CDH13: variants seen among roughly 807,000 people sequenced by gnomAD.
CDH13 encodes the protein cadherin-13.
In CDH13, 24 loss-of-function variants were observed where a neutral mutation model predicts 63.8. That is an observed-to-expected ratio of 0.38 (90% CI 0.27 to 0.53). The LOEUF (loss-of-function observed/expected upper bound fraction) is 0.53. Among genes scored for constraint, CDH13 ranks in the 20% least tolerant of loss-of-function variants. The probability of loss-of-function intolerance (pLI) is 0.85; values close to 1 mark genes in which losing one functional copy is unlikely to be tolerated. For synonymous variants in CDH13, 503 were observed against 355.3 expected, an observed-to-expected ratio of 1.42 and a Z score of -4.67; for missense variants, 1,049 against 903.1, an observed-to-expected ratio of 1.16 and a Z score of -2.07.
At chr16:82,707,214 C>A (rs985097567) in intron 1 of CDH13, among the ~76,000 whole-genome samples, 1 of 152,220 alleles carries the variant, frequency 6.6e-6, no homozygotes, top group Non-Finnish European at 1.5e-5. Flanking sequence ...TGATTCTTTT[C>A]TCCATTAACT....
chr16:83,224,257 T>C (rs1250419680), intron 5 of CDH13, among the ~76,000 whole-genome samples: 1 of 152,256 alleles, frequency 6.6e-6, no homozygotes, highest in Non-Finnish European at 1.5e-5. Context: ...CATTGATTGA[T>C]GGGCATTTGG....
At chr16:83,708,038 G>T (rs530212952) in intron 10 of CDH13, among the ~76,000 whole-genome samples, 7 of 152,162 alleles carry the variant, frequency 4.6e-5, no homozygotes, top group Admixed American at 6.5e-5. Context: ...GCACCAGAAG[G>T]CATGAGCTCC....
In CDH13 at chr16:82,645,000, C is replaced by A. The variant is rs1909917910; in HGVS notation, c.45+17863C>A. Among the ~76,000 whole-genome samples the A allele has an allele frequency of 6.6e-6, 1 of 152,034 alleles. No homozygotes were observed. The highest frequency in any genetic ancestry group is 1.5e-5 in the Non-Finnish European group (1 of 68,002). On this transcript the variant is annotated intron_variant, in intron 1 of 13. Coordinates refer to ENST00000567109, the MANE Select transcript of CDH13 (RefSeq NM_001257.5). The surrounding 1 kb of genome is among the most constrained non-coding windows in gnomAD (Gnocchi z 5.7). ...TGGACCAGATTGGGTTTTGTTTTTTCACAAATGAAAGTCTCTGAGATTGTA... is the reference window on the plus strand; with the variant it reads ...TGGACCAGATTGGGTTTTGTTTTTTAACAAATGAAAGTCTCTGAGATTGTA...
At chr16:83,157,608 T>C (rs1318698690) in intron 4 of CDH13, among the ~76,000 whole-genome samples, 1 of 151,962 alleles carries the variant, frequency 6.6e-6, no homozygotes, top group Non-Finnish European at 1.5e-5. Flanking sequence ...TAAAGAAATA[T>C]GTCCGGCCGG....
chr16:83,109,057 C>G (rs1597352497), intron 3 of CDH13, among the ~76,000 whole-genome samples: 1 of 152,162 alleles, frequency 6.6e-6, no homozygotes. Flanking sequence ...AGGGTCTGCT[C>G]CTGGGGAGCA....
intron 2 of CDH13, among the ~76,000 whole-genome samples, chr16:82,902,084 T>A: frequency 6.6e-6 from 1 of 152,338 alleles, no homozygotes; most frequent in East Asian, 1.9e-4. Context: ...GCTGTTTGCC[T>A]ATATCAAACT....
chr16:83,187,716 A>G (rs2038569952), intron 4 of CDH13, among the ~76,000 whole-genome samples: 1 of 152,170 alleles, frequency 6.6e-6, no homozygotes, highest in Non-Finnish European at 1.5e-5. Context: ...ACAGCAGTGA[A>G]CAGAACAGAC....
In CDH13 at chr16:83,249,907, T is replaced by C. The variant is rs566324386; in HGVS notation, c.636+32410T>C. On this transcript the variant is annotated intron_variant, in intron 5 of 13. Coordinates refer to ENST00000567109, the MANE Select transcript of CDH13 (RefSeq NM_001257.5). Reference sequence around the variant, plus strand: ...TCTCATGATGGTCCTCATGTGTTAATTGAATAATATTTGAACTTTAAATTC... The same window carrying C: ...TCTCATGATGGTCCTCATGTGTTAACTGAATAATATTTGAACTTTAAATTC... Among the ~76,000 whole-genome samples the C allele has an allele frequency of 2.4e-4, 37 of 152,332 alleles. 1 individual carries two copies. Among genetic ancestry groups the C allele is most frequent in the Non-Finnish European group, 5.3e-4 (36 of 68,022 alleles).
rs562292795 is a variant in CDH13, at chr16:82,691,133, A to G, written c.45+63996A>G. Among the ~76,000 whole-genome samples the G allele has an allele frequency of 2.0e-4, 30 of 152,332 alleles. No individual in the cohort carries two copies. In the East Asian group the frequency reaches 5.0e-3, roughly 26 times the overall value. Reference sequence around the variant, plus strand: ...CTGCACTGGACTCAGAGATATAACAATCAGCCAAATGAACAAGTCTGGACC... The same window carrying G: ...CTGCACTGGACTCAGAGATATAACAGTCAGCCAAATGAACAAGTCTGGACC... On this transcript the variant is annotated intron_variant, in intron 1 of 13. Coordinates refer to ENST00000567109, the MANE Select transcript of CDH13 (RefSeq NM_001257.5).
chr16:82,839,024 C>A (rs538388648), intron 1 of CDH13, among the ~76,000 whole-genome samples: 2 of 152,334 alleles, frequency 1.3e-5, no homozygotes, highest in South Asian at 2.1e-4. Flanking sequence ...ATAGGTAAAC[C>A]AATGAGCATG....
chr16:82,728,600 G>T (rs1044810208), intron 1 of CDH13, among the ~76,000 whole-genome samples: 14 of 152,102 alleles, frequency 9.2e-5, no homozygotes, highest in Non-Finnish European at 5.9e-5. Context: ...AGCCTTCAGG[G>T]AGTCATAATC....
chr16:83,445,275 A>G (rs1447825343), intron 6 of CDH13, among the ~76,000 whole-genome samples: 1 of 138,996 alleles, frequency 7.2e-6, no homozygotes, highest in South Asian at 2.2e-4. Flanking sequence ...AAAAGCTTTT[A>G]TAATTTATAA....
chr16:82,915,234 G>A (rs1266558658), intron 2 of CDH13, among the ~76,000 whole-genome samples: 1 of 152,162 alleles, frequency 6.6e-6, no homozygotes, highest in Non-Finnish European at 1.5e-5. Context: ...AATCAAGGCG[G>A]TCTTAGGATA....
chr16:83,538,261 T>G (rs2075231955), intron 7 of CDH13, among the ~76,000 whole-genome samples: 1 of 152,212 alleles, frequency 6.6e-6, no homozygotes, highest in Non-Finnish European at 1.5e-5. Flanking sequence ...TTTCTGGGTA[T>G]GTTTAGGTTA....
At chr16:82,699,758 G>A (rs181539754) in intron 1 of CDH13, among the ~76,000 whole-genome samples, 14 of 145,418 alleles carry the variant, frequency 9.6e-5, no homozygotes, top group African/African-American at 2.6e-4. Flanking sequence ...CAGAACAAAC[G>A]TAACAGGATA....
rs556622745 is a variant in CDH13, at chr16:82,645,731, C to T, written c.45+18594C>T. ...GCTGGGGCTGTGAAAAGATACCTCA[C>T]AGCAAGCCGCTATTCATGTATAATT... On this transcript the variant is annotated intron_variant, in intron 1 of 13. Coordinates refer to ENST00000567109, the MANE Select transcript of CDH13 (RefSeq NM_001257.5). 3.9e-4 allele frequency among the ~76,000 whole-genome samples: 59 copies of T among 152,328 alleles called. 1 individual carries two copies. Among genetic ancestry groups the T allele is most frequent in the African/African-American group, 1.4e-3 (58 of 41,578 alleles).
chr16:82,875,152 C>T (rs2040462649), intron 2 of CDH13, among the ~76,000 whole-genome samples: 1 of 152,156 alleles, frequency 6.6e-6, no homozygotes, highest in Admixed American at 6.5e-5. Context: ...CTGAAAGTGT[C>T]ACAAAGTTTT....
At chr16:82,632,803 A>C (rs1472933015) in intron 1 of CDH13, among the ~76,000 whole-genome samples, 1 of 152,146 alleles carries the variant, frequency 6.6e-6, no homozygotes, top group African/African-American at 2.4e-5. Context: ...ATAATTCTAC[A>C]ACTCACTATA....
chr16:83,485,197 A>C (rs529497899), intron 6 of CDH13, among the ~76,000 whole-genome samples: 1 of 152,360 alleles, frequency 6.6e-6, no homozygotes, highest in African/African-American at 2.4e-5. Context: ...TCACCTTGAC[A>C]GATAATTCAG....
Sources: allele counts gnomAD v4.1 joint callset (sites outside exome capture counted in the v4.1 genomes callset), GRCh38; gene constraint gnomAD v4.1.1; non-coding constraint Gnocchi (gnomAD v3.1); transcripts MANE v1.5; gene names NCBI Gene and HGNC (gene_info 2026-07-23, HGNC 2026-07-21).